Variants in CHD1 observed in about 807,000 individuals in gnomAD.
CHD1 encodes the protein chromodomain helicase DNA binding protein 1.
In CHD1, 36 loss-of-function variants were observed where a neutral mutation model predicts 224.2. The ratio of observed to expected loss-of-function variants is 0.16; its 90% CI spans 0.12 to 0.21. The LOEUF (loss-of-function observed/expected upper bound fraction) is 0.21, where lower values mean the gene tolerates loss of function less well. Among genes scored for constraint, CHD1 ranks in the 10% least tolerant of loss-of-function variants. The pLI, the probability that CHD1 is intolerant of heterozygous loss-of-function variation, is 1.00. For missense variants in CHD1, 1,378 were observed against 1,994.8 expected (o/e 0.69, Z 5.89); for synonymous variants, 668 against 658.3 (o/e 1.01, Z -0.23).
chr5:98,926,499 C>T lies in CHD1; in HGVS notation c.-113G>A, dbSNP rs534274423. 56 of 502,212 alleles carry T rather than the reference C, an allele frequency of 1.1e-4. No homozygotes were observed. The highest frequency in any genetic ancestry group is 1.1e-3 in the African/African-American group (54 of 49,620). The allele number at this position is 502,212 out of a possible 1,614,324, so 31.1% of individuals were successfully genotyped here. ...AAATTCACAGATGAATTTTCTTCAA[C>T]AGTCACAGGTTTTCTGGGACTCTCC... On this transcript the variant is annotated 5_prime_UTR_variant, in exon 2 of 36. Transcript: ENST00000614616.
intron 20 of CHD1, among the ~76,000 whole-genome samples, chr5:98,881,759 AGAAGT>A (rs1166486639): frequency 1.3e-5 from 2 of 152,150 alleles, no homozygotes; most frequent in Non-Finnish European, 2.9e-5. Flanking sequence ...CTTGAAGCAT[AGAAGT>A]GAAAGAGATT....
chr5:98,918,344 G>A (rs1339531792), intron 2 of CHD1, among the ~76,000 whole-genome samples: 4 of 151,626 alleles, frequency 2.6e-5, no homozygotes, highest in Non-Finnish European at 5.9e-5. Context: ...ACAGATGTGA[G>A]CCACCGCGCC....
rs1298152909 is a variant in CHD1, at chr5:98,928,827, T to C, written c.-437A>G. The C allele has an allele frequency of 8.2e-5, 13 of 158,100 alleles. 1 individual carries two copies. In the Middle Eastern group the frequency reaches 9.4e-3, roughly 114 times the overall value. The allele number at this position is 158,100 out of a possible 1,614,324, so 9.8% of individuals were successfully genotyped here. A position where few individuals can be genotyped will look rare whatever the true frequency, so the allele number is the denominator to read the frequency against. On this transcript the variant is annotated 5_prime_UTR_variant, in exon 1 of 36. Coordinates refer to ENST00000614616, the MANE Select transcript of CHD1 (RefSeq NM_001270.4). ...GTCGTCGCCGCCGCCGCCGCCGCCG[T>C]CGCGCGCGCGCTCCCGCTCCCTCCG...
At chr5:98,918,799 T>C (rs1395646020) in intron 2 of CHD1, among the ~76,000 whole-genome samples, 1 of 151,618 alleles carries the variant, frequency 6.6e-6, no homozygotes, top group Admixed American at 6.6e-5. Flanking sequence ...CCAACACCCT[T>C]CTGAATATAT....
At chr5:98,888,282 A>C (rs762561019) in intron 16 of CHD1, 42 bp from the exon 17 acceptor site, 10 of 1,447,218 alleles carry the variant, frequency 6.9e-6, no homozygotes, top group Non-Finnish European at 9.4e-6. Flanking sequence ...AAAGACATAA[A>C]TGGTAAGTTG....
intron 30 of CHD1, chr5:98,869,520 T>C: frequency 2.3e-6 from 1 of 427,578 alleles, no homozygotes; most frequent in Non-Finnish European, 4.0e-6. Flanking sequence ...GGAAGGACCT[T>C]TGCTCTATGC....
Position 98,898,652 on chromosome 5 carries a change from T to C in CHD1, c.1186+12A>G. On this transcript the variant is annotated intron_variant, in intron 9 of 35. Coordinates refer to ENST00000614616, the MANE Select transcript of CHD1 (RefSeq NM_001270.4). The stretch of plus-strand genomic sequence containing the variant: ...TAAAAAGAAAGTTTAACTAGAATCA[T>C]TTATCACTAACCAATTATACGTTCC... 2.1e-6 allele frequency: 3 copies of C among 1,450,220 alleles called. No homozygotes were observed. The highest frequency in any genetic ancestry group is 9.5e-7 in the Non-Finnish European group (1 of 1,048,862). The allele number at this position is 1,450,220 out of a possible 1,614,324, so 89.8% of individuals were successfully genotyped here. A position where few individuals can be genotyped will look rare whatever the true frequency, so the allele number is the denominator to read the frequency against.
intron 1 of CHD1, among the ~76,000 whole-genome samples, chr5:98,927,161 T>C (rs1753522920): frequency 6.6e-6 from 1 of 152,210 alleles, no homozygotes; most frequent in African/African-American, 2.4e-5. Flanking sequence ...GTTTTTATTT[T>C]GTGAAAAAAA....
At chr5:98,857,218 A>T (rs1197506662) in intron 35 of CHD1, among the ~76,000 whole-genome samples, 1 of 152,128 alleles carries the variant, frequency 6.6e-6, no homozygotes. Flanking sequence ...ATATAGTAAG[A>T]CTCGACACAT....
chr5:98,885,309 T>C (rs1231600677), intron 18 of CHD1, among the ~76,000 whole-genome samples: 1 of 152,060 alleles, frequency 6.6e-6, no homozygotes, highest in African/African-American at 2.4e-5. Context: ...GGAGAATAGC[T>C]TGAACCTGGG....
At chr5:98,917,153 C>G (rs2112621454) in intron 2 of CHD1, among the ~76,000 whole-genome samples, 1 of 152,124 alleles carries the variant, frequency 6.6e-6, no homozygotes, top group East Asian at 1.9e-4. Flanking sequence ...CATACTTTTC[C>G]TTAGTATAAA....
chr5:98,898,298 A>T lies in CHD1; in HGVS notation c.1323T>A (p.Phe441Leu). 2 of 1,582,372 alleles carry T rather than the reference A, an allele frequency of 1.3e-6. No homozygotes were observed. Among genetic ancestry groups the T allele is most frequent in the Non-Finnish European group, 1.7e-6 (2 of 1,165,472 alleles). ...KKFQACIDEY[F>L]SRNQSKTTPF... ...GAGTGGTTTTTGATTGGTTCCTGCT[A>T]AAATACTCATCAATGCATGCTTGAA... The change falls in exon 10 of 36, where the codon TTT becomes TTA. Residue 441 changes from phenylalanine (F) to leucine (L), a missense_variant. By Grantham distance (22) the Phe-to-Leu change is conservative. Around this residue, in one of 16 missense-constraint regions of CHD1, gnomAD observed 86 missense variants for 97.7 expected, o/e 0.88. Coordinates refer to ENST00000614616, the MANE Select transcript of CHD1 (RefSeq NM_001270.4).
chr5:98,895,786 T>C (rs1416115071), intron 12 of CHD1, among the ~76,000 whole-genome samples: 3 of 150,102 alleles, frequency 2.0e-5, no homozygotes, highest in African/African-American at 4.9e-5. Flanking sequence ...CAAATATATA[T>C]ACTAAGTAAC....
rs368081187 is a variant in CHD1 at position 98,896,362 on chromosome 5, T to C, written c.1574A>G (p.His525Arg). Residue 525 changes from histidine to arginine, a missense_variant, in exon 12 of 36, where the codon CAT becomes CGT. Transcript: ENST00000614616. ...QTISFLNYLF[H>R]EHQLYGPFLL... ...AAAAGGTCCATATAATTGATGTTCATGAAACAAATAATTCAGAAATGAGAT... is the reference window on the plus strand; with the variant it reads ...AAAAGGTCCATATAATTGATGTTCACGAAACAAATAATTCAGAAATGAGAT... The C allele has an allele frequency of 6.2e-6, 10 of 1,613,888 alleles. No homozygotes were observed. Among genetic ancestry groups the C allele is most frequent in the Non-Finnish European group, 8.5e-6 (10 of 1,179,926 alleles).
rs768955151 is a variant in CHD1 at position 98,904,945 on chromosome 5, G to A, written c.207C>T (p.Ser69=). Residue 69 remains serine, a synonymous_variant, in exon 3 of 36, where the codon TCC becomes TCT. Coordinates refer to ENST00000614616, the MANE Select transcript of CHD1 (RefSeq NM_001270.4). ...GTTTTGCTTGAACTTTGTTTTCTCG[G>A]GAAGTGTCTGACTCAGACTCTGACT... ...GSQSESESDT[S]RENKVQAKPP... 1 of 1,613,596 alleles carries A rather than the reference G, an allele frequency of 6.2e-7. No homozygotes were observed. Among genetic ancestry groups the A allele is most frequent in the Non-Finnish European group, 8.5e-7 (1 of 1,179,692 alleles).
intron 2 of CHD1, among the ~76,000 whole-genome samples, chr5:98,920,617 A>T (rs1753027441): frequency 6.6e-6 from 1 of 152,046 alleles, no homozygotes; most frequent in Admixed American, 6.6e-5. Flanking sequence ...ACCAACACAG[A>T]GAAACCCTGT....
In CHD1 at chr5:98,881,060, T is replaced by C. The variant is rs1337567802; in HGVS notation, c.3060+16A>G. On this transcript the variant is annotated intron_variant, in intron 22 of 35. Coordinates refer to ENST00000614616, the MANE Select transcript of CHD1 (RefSeq NM_001270.4). ...TCAATTTATGTAATTACAAGGAAAATTTTGTTTAAATCTACCTTGAACTGG... is the reference window on the plus strand; with the variant it reads ...TCAATTTATGTAATTACAAGGAAAACTTTGTTTAAATCTACCTTGAACTGG... 2.7e-6 allele frequency: 4 copies of C among 1,507,956 alleles called. No homozygotes were observed. Among genetic ancestry groups the C allele is most frequent in the Non-Finnish European group, 3.7e-6 (4 of 1,090,048 alleles). The allele number at this position is 1,507,956 out of a possible 1,614,324, so 93.4% of individuals were successfully genotyped here. A position where few individuals can be genotyped will look rare whatever the true frequency, so the allele number is the denominator to read the frequency against.
At chr5:98,880,942 C>A (rs766984925) in intron 22 of CHD1, 134 bp downstream of exon 22, 1 of 663,008 alleles carries the variant, frequency 1.5e-6, no homozygotes, top group Non-Finnish European at 2.7e-6. Context: ...TTTGTCTGAA[C>A]AAGAGAGAGT....
intron 2 of CHD1, among the ~76,000 whole-genome samples, chr5:98,924,672 G>A (rs1016779349): frequency 1.3e-5 from 2 of 152,138 alleles, no homozygotes; most frequent in Admixed American, 6.5e-5. Context: ...TAACTAGCAA[G>A]GTCAGAAAAT....
Sources: gnomAD v4.1 joint callset for allele counts (sites outside exome capture counted in the v4.1 genomes callset) on GRCh38, gnomAD v4.1.1 for gene constraint, gnomAD v4.1.1 regional missense constraint, MANE v1.5 for transcripts, NCBI Gene and HGNC (gene_info 2026-07-23, HGNC 2026-07-21) for gene names.